CHODL: variants seen among roughly 807,000 people sequenced by gnomAD.
The protein encoded by CHODL is chondrolectin, also known as transmembrane protein MT75.
A neutral mutation model predicts 34.5 loss-of-function variants in CHODL; 29 were observed. The ratio of observed to expected loss-of-function variants is 0.84; its 90% CI spans 0.63 to 1.15. The LOEUF (loss-of-function observed/expected upper bound fraction) is 1.15, where lower values mean the gene tolerates loss of function less well. Ranked by LOEUF, CHODL falls within the 50% of genes most tolerant of loss-of-function variation. The pLI is 0.00. For missense variants in CHODL, 332 were observed against 332.5 expected (o/e 1.00, Z 0.01); for synonymous variants, 125 against 116.1 (o/e 1.08, Z -0.49).
At chr21:18,010,098 A>G (rs1475209920) in intron 1 of CHODL, among the ~76,000 whole-genome samples, 1 of 123,974 alleles carries the variant, frequency 8.1e-6, no homozygotes, top group Non-Finnish European at 1.6e-5. Context: ...ACAGGGTGAA[A>G]CCCCGTCTCT....
At chr21:18,007,783 C>T (rs1285410052) in intron 1 of CHODL, among the ~76,000 whole-genome samples, 1 of 152,092 alleles carries the variant, frequency 6.6e-6, no homozygotes, top group Non-Finnish European at 1.5e-5. Context: ...TAGTAGCAAA[C>T]ATAGGACTGA....
intron 1 of CHODL, among the ~76,000 whole-genome samples, chr21:17,999,656 T>C (rs2063886103): frequency 6.6e-6 from 1 of 152,104 alleles, no homozygotes; most frequent in African/African-American, 2.4e-5. Flanking sequence ...ATAAAAGCCA[T>C]CAGATCTCAT....
chr21:17,997,450 C>T (rs2063860912), intron 1 of CHODL, among the ~76,000 whole-genome samples: 1 of 152,150 alleles, frequency 6.6e-6, no homozygotes, highest in African/African-American at 2.4e-5. Context: ...ATTCCCTGGG[C>T]TTGGCAGATA....
intron 2 of CHODL, among the ~76,000 whole-genome samples, chr21:18,201,508 T>C (rs1399379153): frequency 3.3e-5 from 5 of 152,010 alleles, no homozygotes; most frequent in African/African-American, 9.7e-5. Flanking sequence ...GATAAGTGAA[T>C]TTCCTTGGCT....
intron 2 of CHODL, among the ~76,000 whole-genome samples, chr21:18,191,580 T>A (rs1468849564): frequency 6.6e-6 from 1 of 152,214 alleles, no homozygotes; most frequent in African/African-American, 2.4e-5. Context: ...TAGAACCTAT[T>A]GGTCATTTGT....
At chr21:18,013,611 A>G (rs2064039862) in intron 1 of CHODL, among the ~76,000 whole-genome samples, 1 of 137,106 alleles carries the variant, frequency 7.3e-6, no homozygotes, top group Non-Finnish European at 1.5e-5. Flanking sequence ...AATATTACAG[A>G]TCATTGATTT....
intron 2 of CHODL, among the ~76,000 whole-genome samples, chr21:18,145,515 A>G (rs1257062569): frequency 6.6e-6 from 1 of 151,158 alleles, no homozygotes; most frequent in Non-Finnish European, 1.5e-5. Flanking sequence ...AGATGACCTG[A>G]TAGGCATTAA....
intron 2 of CHODL, among the ~76,000 whole-genome samples, chr21:18,199,371 G>C (rs1452340153): frequency 2.0e-5 from 3 of 152,072 alleles, no homozygotes; most frequent in Non-Finnish European, 1.5e-5. Flanking sequence ...ATAGCACAGA[G>C]AGAGTTTCCT....
intron 2 of CHODL, among the ~76,000 whole-genome samples, chr21:18,141,460 A>T: frequency 6.6e-6 from 1 of 152,080 alleles, no homozygotes; most frequent in Non-Finnish European, 1.5e-5. Context: ...CTGAGTGTCC[A>T]AATCTTAGTG....
At chr21:18,046,308 G>T (rs1015268225) in intron 2 of CHODL, among the ~76,000 whole-genome samples, 36 of 151,938 alleles carry the variant, frequency 2.4e-4, no homozygotes, top group African/African-American at 8.4e-4. Flanking sequence ...GCAGTGCAAA[G>T]AGTGGGCTGT....
At chr21:17,931,403 A>G (rs2063272746) in intron 1 of CHODL, among the ~76,000 whole-genome samples, 1 of 152,218 alleles carries the variant, frequency 6.6e-6, no homozygotes, top group Admixed American at 6.5e-5. Flanking sequence ...GGGGAAAATA[A>G]TCCCATCTAA....
At chr21:17,954,248 A>G (rs1198792879) in intron 1 of CHODL, among the ~76,000 whole-genome samples, 1 of 152,206 alleles carries the variant, frequency 6.6e-6, no homozygotes, top group African/African-American at 2.4e-5. Flanking sequence ...TATACAAGAA[A>G]ACTTCAAAAT....
At chr21:18,109,389 T>C (rs2146558871) in intron 2 of CHODL, among the ~76,000 whole-genome samples, 2 of 152,118 alleles carry the variant, frequency 1.3e-5, no homozygotes, top group South Asian at 4.2e-4. Flanking sequence ...GCTGCATGAA[T>C]AATAAATGAC....
intron 1 of CHODL, among the ~76,000 whole-genome samples, chr21:17,937,081 CAAAA>C (rs71189570): frequency 2.1e-5 from 2 of 94,694 alleles, no homozygotes; most frequent in East Asian, 3.1e-4. Context: ...GACTCCATCT[CAAAA>C]AAAAAAAAAA....
intron 2 of CHODL, among the ~76,000 whole-genome samples, chr21:18,101,913 A>C (rs1396525202): frequency 6.6e-6 from 1 of 152,152 alleles, no homozygotes; most frequent in East Asian, 1.9e-4. Context: ...TCACTGAGGC[A>C]GATGAAGTGT....
At chr21:18,082,564 A>G (rs531163439) in intron 2 of CHODL, among the ~76,000 whole-genome samples, 130 of 152,322 alleles carry the variant, frequency 8.5e-4, no homozygotes, top group South Asian at 3.3e-3. Context: ...GGTTATGACC[A>G]AAATGCTGAT....
At chr21:18,141,171 T>C (rs2072797315) in intron 2 of CHODL, among the ~76,000 whole-genome samples, 2 of 152,184 alleles carry the variant, frequency 1.3e-5, no homozygotes, top group South Asian at 4.1e-4. Context: ...AAAGGTGGAC[T>C]TGGAGTAATC....
At chr21:17,993,465 T>C (rs2063817255) in intron 1 of CHODL, among the ~76,000 whole-genome samples, 1 of 152,174 alleles carries the variant, frequency 6.6e-6, no homozygotes, top group South Asian at 2.1e-4. Flanking sequence ...TGAGGACATG[T>C]AATATTTGTT....
chr21:18,146,226 C>T (rs1424805033), intron 2 of CHODL, among the ~76,000 whole-genome samples: 1 of 151,962 alleles, frequency 6.6e-6, no homozygotes, highest in Non-Finnish European at 1.5e-5. Flanking sequence ...ATCCGCCCAC[C>T]TCGGCCTCCC....
Sources: gnomAD v4.1 joint callset for allele counts (sites outside exome capture counted in the v4.1 genomes callset) on GRCh38, gnomAD v4.1.1 for gene constraint, MANE v1.5 for transcripts, NCBI Gene and HGNC (gene_info 2026-07-23, HGNC 2026-07-21) for gene names.